The following CSNK2A2IP variants were observed in gnomAD, a reference collection of about 807,000 sequenced individuals.
CSNK2A2IP encodes casein kinase 2 subunit alpha' interacting protein.
the CSNK2A2IP span, among the ~76,000 whole-genome samples, chr3:88,454,044 C>A: frequency 3.9e-5 from 6 of 152,132 alleles, no homozygotes; most frequent in African/African-American, 1.4e-4. Flanking sequence ...ATTTTATACT[C>A]CCACCAGCAG....
chr3:88,463,538 A>G, the CSNK2A2IP span, among the ~76,000 whole-genome samples: 1 of 152,084 alleles, frequency 6.6e-6, no homozygotes, highest in Non-Finnish European at 1.5e-5. Flanking sequence ...GCAGCCAAAA[A>G]ACACATGAAA....
At chr3:88,429,449 A>G in the CSNK2A2IP span, among the ~76,000 whole-genome samples, 1 of 152,142 alleles carries the variant, frequency 6.6e-6, no homozygotes, top group Non-Finnish European at 1.5e-5. Flanking sequence ...TCTGTCCCAA[A>G]TCATATCTCA....
the CSNK2A2IP span, among the ~76,000 whole-genome samples, chr3:88,358,659 G>A: frequency 6.6e-6 from 1 of 152,070 alleles, no homozygotes; most frequent in Admixed American, 6.6e-5. Flanking sequence ...TGTGCATGTT[G>A]AACCATCCTT....
At chr3:88,451,423 A>AG in the CSNK2A2IP span, among the ~76,000 whole-genome samples, 3 of 71,900 alleles carry the variant, frequency 4.2e-5, no homozygotes, top group Non-Finnish European at 1.0e-4. Context: ...TTTTAAAATC[A>AG]GGGTTTTTTT....
chr3:88,427,831 T>A, the CSNK2A2IP span, among the ~76,000 whole-genome samples: 1 of 152,130 alleles, frequency 6.6e-6, no homozygotes. Context: ...ATGAAGAACC[T>A]CTGCTAAGGC....
the CSNK2A2IP span, among the ~76,000 whole-genome samples, chr3:88,367,274 CA>C: frequency 2.6e-5 from 4 of 151,908 alleles, no homozygotes; most frequent in Non-Finnish European, 5.9e-5. Context: ...TGGGGGAAGC[CA>C]AAGCTTCATT....
chr3:88,466,365 T>C, the CSNK2A2IP span: 2 of 1,231,864 alleles, frequency 1.6e-6, no homozygotes, highest in Non-Finnish European at 2.0e-6. Flanking sequence ...AGACCACGAA[T>C]TCACCTGTCT....
chr3:88,386,737 T>C, the CSNK2A2IP span, among the ~76,000 whole-genome samples: 4 of 152,108 alleles, frequency 2.6e-5, no homozygotes, highest in Non-Finnish European at 5.9e-5. Flanking sequence ...GTGAACGAAA[T>C]GTTAAATGGA....
At chr3:88,414,414 C>T in the CSNK2A2IP span, among the ~76,000 whole-genome samples, 2 of 150,030 alleles carry the variant, frequency 1.3e-5, no homozygotes, top group South Asian at 4.2e-4. Context: ...TCCTGAGTAG[C>T]TGGGACTACA....
chr3:88,377,779 G>C, the CSNK2A2IP span, among the ~76,000 whole-genome samples: 1 of 151,826 alleles, frequency 6.6e-6, no homozygotes, highest in South Asian at 2.1e-4. Context: ...GTTGGGCAGT[G>C]TTACATCTGG....
At chr3:88,347,332 T>C in the CSNK2A2IP span, among the ~76,000 whole-genome samples, 1 of 152,002 alleles carries the variant, frequency 6.6e-6, no homozygotes, top group Non-Finnish European at 1.5e-5. Flanking sequence ...AGTTCTAATG[T>C]GGGTAAAATG....
the CSNK2A2IP span, among the ~76,000 whole-genome samples, chr3:88,423,758 T>G: frequency 6.6e-6 from 1 of 152,032 alleles, no homozygotes; most frequent in Non-Finnish European, 1.5e-5. Flanking sequence ...AGATAGAAGG[T>G]GGATTTTGTT....
At chr3:88,465,046 A>G in the CSNK2A2IP span, 1 of 211,426 alleles carries the variant, frequency 4.7e-6, no homozygotes, top group Non-Finnish European at 9.3e-6. Context: ...TAATATTTCT[A>G]TCAGGACCTC....
chr3:88,403,537 A>C, the CSNK2A2IP span, among the ~76,000 whole-genome samples: 1 of 152,106 alleles, frequency 6.6e-6, no homozygotes, highest in South Asian at 2.1e-4. Context: ...TTGCTTCATT[A>C]CCATCTTTCA....
At chr3:88,356,448 A>C in the CSNK2A2IP span, among the ~76,000 whole-genome samples, 2 of 152,142 alleles carry the variant, frequency 1.3e-5, no homozygotes, top group Admixed American at 6.6e-5. Context: ...TTTATGGCTG[A>C]ATAATATTCC....
the CSNK2A2IP span, among the ~76,000 whole-genome samples, chr3:88,389,458 G>T: frequency 6.6e-6 from 1 of 152,178 alleles, no homozygotes; most frequent in African/African-American, 2.4e-5. Context: ...AATGAGGTTG[G>T]AGACTTCAGG....
chr3:88,431,042 T>C, the CSNK2A2IP span: 2 of 152,218 alleles, frequency 1.3e-5, no homozygotes, highest in Non-Finnish European at 2.9e-5. Context: ...AGATGCATTC[T>C]ACTAAAGCAA....
At chr3:88,384,415 G>A in the CSNK2A2IP span, among the ~76,000 whole-genome samples, 12 of 152,060 alleles carry the variant, frequency 7.9e-5, no homozygotes, top group Admixed American at 7.9e-4. Context: ...TGAAGAGCCA[G>A]CGAAAGAGAC....
At chr3:88,402,777 T>C in the CSNK2A2IP span, among the ~76,000 whole-genome samples, 1 of 152,040 alleles carries the variant, frequency 6.6e-6, no homozygotes, top group East Asian at 1.9e-4. Flanking sequence ...TTCAGAACAG[T>C]GATTATATCC....
Sources: allele counts gnomAD v4.1 joint callset (sites outside exome capture counted in the v4.1 genomes callset), GRCh38; gene constraint gnomAD v4.1.1; transcripts MANE v1.5; gene names NCBI Gene and HGNC (gene_info 2026-07-23, HGNC 2026-07-21).